ANKRD11: variants seen among roughly 807,000 people sequenced by gnomAD.
ANKRD11 encodes the protein ankyrin repeat domain 11, also known as ankyrin repeat domain-containing protein 11.
A neutral mutation model predicts 195.7 loss-of-function variants in ANKRD11; 17 were observed. The observed-to-expected ratio is 0.09, with a 90% confidence interval of 0.06 to 0.13. ANKRD11 has a LOEUF of 0.13. ANKRD11 is among the 10% of genes least tolerant of loss of function. The pLI is 1.00. For missense variants in ANKRD11, 3,735 were observed against 3,566.1 expected (o/e 1.05, Z -1.21); for synonymous variants, 1,953 against 1,528.1 (o/e 1.28, Z -6.49).
At chr16:89,455,876 G>A (rs2056411716) in intron 1 of ANKRD11, among the ~76,000 whole-genome samples, 1 of 152,104 alleles carries the variant, frequency 6.6e-6, no homozygotes, top group Non-Finnish European at 1.5e-5. Flanking sequence ...TCCACTCCTT[G>A]GTATATGCCC....
At chr16:89,489,673 C>A (rs2057745932) in intron 1 of ANKRD11, among the ~76,000 whole-genome samples, 1 of 151,844 alleles carries the variant, frequency 6.6e-6, no homozygotes, top group African/African-American at 2.4e-5. Flanking sequence ...AACCCGGCGC[C>A]CGGCCAGCGC....
intron 2 of ANKRD11, among the ~76,000 whole-genome samples, chr16:89,380,475 C>T (rs1023971628): frequency 9.2e-5 from 14 of 152,304 alleles, no homozygotes; most frequent in African/African-American, 3.4e-4. Context: ...CTTCAGATAG[C>T]TTCCTTGGGG....
intron 2 of ANKRD11, among the ~76,000 whole-genome samples, chr16:89,350,232 G>A (rs2039146398): frequency 6.6e-6 from 1 of 152,176 alleles, no homozygotes; most frequent in Admixed American, 6.6e-5. Flanking sequence ...ACGCTGGTGG[G>A]AACACAAAAC....
intron 1 of ANKRD11, among the ~76,000 whole-genome samples, chr16:89,469,449 C>G (rs1287216653): frequency 6.6e-6 from 1 of 151,988 alleles, no homozygotes. Flanking sequence ...TGTCAAACTC[C>G]TAACCTCAGG....
intron 1 of ANKRD11, among the ~76,000 whole-genome samples, chr16:89,423,808 C>T (rs1243711165): frequency 6.6e-6 from 1 of 152,166 alleles, no homozygotes; most frequent in Non-Finnish European, 1.5e-5. Context: ...CAATGGCAGC[C>T]AGCCTGCGGA....
At chr16:89,481,719 G>C (rs1223350502) in intron 1 of ANKRD11, among the ~76,000 whole-genome samples, 1 of 152,088 alleles carries the variant, frequency 6.6e-6, no homozygotes, top group African/African-American at 2.4e-5. Flanking sequence ...CTCCAGTCAT[G>C]CTTCCAGGTT....
chr16:89,484,353 T>A (rs1431422500), intron 1 of ANKRD11, among the ~76,000 whole-genome samples: 1 of 152,194 alleles, frequency 6.6e-6, no homozygotes, highest in Non-Finnish European at 1.5e-5. Flanking sequence ...TTTAGATAAG[T>A]TTAAACAGTA....
intron 2 of ANKRD11, among the ~76,000 whole-genome samples, chr16:89,378,126 G>A (rs963769838): frequency 1.3e-5 from 2 of 152,160 alleles, no homozygotes; most frequent in Non-Finnish European, 2.9e-5. Flanking sequence ...GAGGCGGAAG[G>A]ATCACTTGAG....
intron 1 of ANKRD11, chr16:89,422,058 G>T (rs1440445033): frequency 6.6e-6 from 1 of 152,118 alleles, no homozygotes; most frequent in Admixed American, 6.5e-5. Flanking sequence ...TTACCACTCT[G>T]GACTCCTTAC....
intron 1 of ANKRD11, among the ~76,000 whole-genome samples, chr16:89,423,662 T>C (rs1230561763): frequency 6.6e-6 from 1 of 152,162 alleles, no homozygotes; most frequent in African/African-American, 2.4e-5. Context: ...AGGTCAAAAA[T>C]GGTCCAATAA....
chr16:89,356,191 T>C (rs1411110661), intron 2 of ANKRD11, among the ~76,000 whole-genome samples: 2 of 152,244 alleles, frequency 1.3e-5, no homozygotes, highest in Non-Finnish European at 2.9e-5. Flanking sequence ...TCTTTGTTTA[T>C]AACATTTATA....
At chr16:89,359,045 C>G (rs989756186) in intron 2 of ANKRD11, among the ~76,000 whole-genome samples, 1 of 151,994 alleles carries the variant, frequency 6.6e-6, no homozygotes, top group Non-Finnish European at 1.5e-5. Flanking sequence ...ATGTCTAAAT[C>G]GTCAGTATTA....
chr16:89,376,646 C>T lies in ANKRD11; in HGVS notation c.-60+41638G>A, dbSNP rs566275361. 1.8e-4 allele frequency among the ~76,000 whole-genome samples: 27 copies of T among 152,262 alleles called. No individual in the cohort carries two copies. The South Asian group carries it at 5.6e-3, about 32-fold the overall frequency. ...AGAGACGAGGGTTTCACCATGTTGG[C>T]CAGGCTGGTCTCAAACTTCTGACCT... On this transcript the variant is annotated intron_variant, in intron 2 of 12. Transcript: ENST00000301030.
At chr16:89,434,552 G>A (rs769832874) in intron 1 of ANKRD11, among the ~76,000 whole-genome samples, 1 of 152,226 alleles carries the variant, frequency 6.6e-6, no homozygotes, top group African/African-American at 2.4e-5. Context: ...CAGTAAGGCT[G>A]CAGAAGCATG....
chr16:89,447,647 C>G (rs1436613505), intron 1 of ANKRD11, among the ~76,000 whole-genome samples: 1 of 152,180 alleles, frequency 6.6e-6, no homozygotes, highest in Non-Finnish European at 1.5e-5. Context: ...TACACAGCCA[C>G]CTTTGGCCCT....
chr16:89,291,208 G>A lies in ANKRD11; in HGVS notation c.227-25C>T. On this transcript the variant is annotated intron_variant, in intron 4 of 12. Transcript: ENST00000301030. This position sits in a 1 kb window ranked among gnomAD's most constrained non-coding sequence, Gnocchi z 5.3. The stretch of plus-strand genomic sequence containing the variant: ...TCTGTGAGGCGGGCGAGGGAGAGAG[G>A]GAGGAGAGATTTCATGCCATGGTGT... The A allele has an allele frequency of 5.6e-6, 9 of 1,611,406 alleles. No individual in the cohort carries two copies. The highest frequency in any genetic ancestry group is 7.6e-6 in the Non-Finnish European group (9 of 1,179,848).
intron 2 of ANKRD11, among the ~76,000 whole-genome samples, chr16:89,348,104 GTAT>G (rs1037615000): frequency 6.6e-6 from 1 of 151,800 alleles, no homozygotes; most frequent in Non-Finnish European, 1.5e-5. Context: ...GCTCATTTTT[GTAT>G]TTTTTGTACA....
chr16:89,454,515 C>G (rs1160792396), intron 1 of ANKRD11, among the ~76,000 whole-genome samples: 1 of 152,148 alleles, frequency 6.6e-6, no homozygotes, highest in Non-Finnish European at 1.5e-5. Context: ...TTCTCCTTCA[C>G]AAATTATAAC....
In ANKRD11 at chr16:89,282,633, G is replaced by A; in HGVS notation, c.3909C>T (p.Val1303=). ...CTCGGTCCGTGAAGCTGTCAGAGGAGACCTCGCTGATTTTATCGTTGGAGT... is the reference window on the plus strand; with the variant it reads ...CTCGGTCCGTGAAGCTGTCAGAGGAAACCTCGCTGATTTTATCGTTGGAGT... The part of the protein sequence containing the change: ...REDSNDKISE[V]SSDSFTDRGQ... Residue 1303 remains valine (V), a synonymous_variant, in exon 9 of 13, where the codon GTC becomes GTT. Transcript: ENST00000301030. 1 of 1,614,134 alleles carries A rather than the reference G, an allele frequency of 6.2e-7. No homozygotes were observed. Among genetic ancestry groups the A allele is most frequent in the Non-Finnish European group, 8.5e-7 (1 of 1,180,030 alleles).
Sources: gnomAD v4.1 joint callset for allele counts (sites outside exome capture counted in the v4.1 genomes callset) on GRCh38, gnomAD v4.1.1 for gene constraint, Gnocchi (gnomAD v3.1) non-coding constraint, MANE v1.5 for transcripts, NCBI Gene and HGNC (gene_info 2026-07-23, HGNC 2026-07-21) for gene names.